BMPR1B: variants seen among roughly 807,000 people sequenced by gnomAD.
BMPR1B encodes the protein bone morphogenetic protein receptor type 1B.
Under a neutral mutation model 59.1 loss-of-function variants are expected in BMPR1B, and 12 were observed. The observed-to-expected ratio is 0.20, with a 90% confidence interval of 0.13 to 0.33. The LOEUF (loss-of-function observed/expected upper bound fraction) is 0.33, where lower values mean the gene tolerates loss of function less well. Among genes scored for constraint, BMPR1B ranks in the 10% least tolerant of loss-of-function variants. The pLI, the probability that BMPR1B is intolerant of heterozygous loss-of-function variation, is 1.00. For missense variants in BMPR1B, 550 were observed against 610.9 expected (o/e 0.90, Z 1.05); for synonymous variants, 237 against 207.3 (o/e 1.14, Z -1.23).
At chr4:95,123,736 T>C (rs1019287391) in intron 6 of BMPR1B, 74 bp from the exon 7 acceptor site, 20 of 1,183,572 alleles carry the variant, frequency 1.7e-5, no homozygotes, top group Non-Finnish European at 2.4e-5. Flanking sequence ...CAAGTACCTT[T>C]AGGAAAGAGT....
chr4:95,139,917 C>A (rs2149314642), intron 10 of BMPR1B, among the ~76,000 whole-genome samples: 1 of 152,312 alleles, frequency 6.6e-6, no homozygotes, highest in South Asian at 2.1e-4. Flanking sequence ...TGCTTCGGCT[C>A]ACACTGTGTG....
intron 2 of BMPR1B, among the ~76,000 whole-genome samples, chr4:94,890,118 A>T (rs1478729797): frequency 6.6e-6 from 1 of 152,086 alleles, no homozygotes; most frequent in Non-Finnish European, 1.5e-5. Flanking sequence ...GCCTACAGTT[A>T]ATGTGGTCAA....
intron 3 of BMPR1B, among the ~76,000 whole-genome samples, chr4:95,060,068 G>C (rs1037715952): frequency 1.3e-5 from 2 of 152,110 alleles, no homozygotes; most frequent in African/African-American, 4.8e-5. Context: ...TCAGAAACAC[G>C]GAGTCTGCAG....
At chr4:95,137,942 T>G (rs904115152) in intron 10 of BMPR1B, among the ~76,000 whole-genome samples, 3 of 152,196 alleles carry the variant, frequency 2.0e-5, no homozygotes, top group African/African-American at 4.8e-5. Context: ...AGTTTGATCC[T>G]GTCATTATGA....
chr4:95,011,469 G>A (rs1224406358), intron 3 of BMPR1B, among the ~76,000 whole-genome samples: 1 of 151,996 alleles, frequency 6.6e-6, no homozygotes, highest in Admixed American at 6.6e-5. Context: ...TTCCATCTTC[G>A]GTGACACATA....
At chr4:94,894,082 C>G (rs1281979721) in intron 2 of BMPR1B, among the ~76,000 whole-genome samples, 1 of 152,148 alleles carries the variant, frequency 6.6e-6, no homozygotes, top group African/African-American at 2.4e-5. Flanking sequence ...AAGCAGGGCA[C>G]TGCTAATATT....
At chr4:94,761,419 G>GTGTC (rs1553992282) in intron 1 of BMPR1B, among the ~76,000 whole-genome samples, 1 of 28,392 alleles carries the variant, frequency 3.5e-5, no homozygotes, top group African/African-American at 2.4e-4. Flanking sequence ...ATAATTCTGT[G>GTGTC]TGTGTGTGTG....
chr4:94,943,919 G>T (rs1420193416), intron 2 of BMPR1B, among the ~76,000 whole-genome samples: 2 of 152,026 alleles, frequency 1.3e-5, no homozygotes, highest in Non-Finnish European at 2.9e-5. Flanking sequence ...GTATATATAG[G>T]TTGTGAATCT....
At chr4:95,068,582 C>T (rs981636755) in intron 3 of BMPR1B, among the ~76,000 whole-genome samples, 4 of 152,136 alleles carry the variant, frequency 2.6e-5, no homozygotes, top group Admixed American at 6.5e-5. Context: ...GCAATGAGGG[C>T]TGGTTAATGG....
intron 2 of BMPR1B, among the ~76,000 whole-genome samples, chr4:94,910,044 C>T (rs1271842039): frequency 6.6e-6 from 1 of 150,680 alleles, no homozygotes; most frequent in African/African-American, 2.5e-5. Flanking sequence ...GACTCCGTCT[C>T]CAAAAAAAAC....
intron 1 of BMPR1B, among the ~76,000 whole-genome samples, chr4:94,825,777 A>G (rs1000328011): frequency 1.1e-4 from 17 of 152,200 alleles, no homozygotes; most frequent in Admixed American, 1.3e-4. Flanking sequence ...TGGAAAGAAA[A>G]TGGATTGCAT....
At chr4:94,977,117 A>G (rs961566125) in intron 2 of BMPR1B, among the ~76,000 whole-genome samples, 1 of 152,146 alleles carries the variant, frequency 6.6e-6, no homozygotes, top group African/African-American at 2.4e-5. Context: ...CCCATTAGCA[A>G]AAGCCATGCC....
At chr4:94,988,671 A>G (rs2149095505) in intron 2 of BMPR1B, among the ~76,000 whole-genome samples, 2 of 152,300 alleles carry the variant, frequency 1.3e-5, no homozygotes, top group Middle Eastern at 3.4e-3. Context: ...TTCTCATACT[A>G]ATAATGGGTA....
intron 3 of BMPR1B, among the ~76,000 whole-genome samples, chr4:95,013,368 A>G (rs986716825): frequency 1.3e-5 from 2 of 152,146 alleles, no homozygotes; most frequent in Admixed American, 1.3e-4. Flanking sequence ...AATCATGGAC[A>G]TTTGCTTCCT....
At chr4:95,080,243 T>C (rs1432317942) in intron 3 of BMPR1B, among the ~76,000 whole-genome samples, 2 of 152,236 alleles carry the variant, frequency 1.3e-5, no homozygotes, top group East Asian at 3.8e-4. Flanking sequence ...TGTACATATG[T>C]ACGTATGTAT....
At chr4:95,124,158 T>A (rs952951324) in intron 7 of BMPR1B, among the ~76,000 whole-genome samples, 2 of 151,982 alleles carry the variant, frequency 1.3e-5, no homozygotes, top group African/African-American at 4.8e-5. Flanking sequence ...GAAACTAGGG[T>A]AGTTAGAGAC....
At chr4:94,990,626 C>G (rs931079612) in intron 2 of BMPR1B, among the ~76,000 whole-genome samples, 1 of 152,112 alleles carries the variant, frequency 6.6e-6, no homozygotes, top group African/African-American at 2.4e-5. Flanking sequence ...AAGAAGAAAA[C>G]ACAGGGCTGC....
chr4:94,783,146 G>A (rs1335986747), intron 1 of BMPR1B, among the ~76,000 whole-genome samples: 1 of 152,072 alleles, frequency 6.6e-6, no homozygotes, highest in Non-Finnish European at 1.5e-5. Flanking sequence ...TTGTTATCAC[G>A]CCAGCTATTA....
intron 3 of BMPR1B, among the ~76,000 whole-genome samples, chr4:95,049,359 C>G (rs1199164987): frequency 2.0e-5 from 3 of 147,144 alleles, no homozygotes; most frequent in Admixed American, 6.8e-5. Context: ...GGTGATCCTC[C>G]TGCCTCAGCC....
Sources: allele counts gnomAD v4.1 joint callset (sites outside exome capture counted in the v4.1 genomes callset), GRCh38; gene constraint gnomAD v4.1.1; transcripts MANE v1.5; gene names NCBI Gene and HGNC (gene_info 2026-07-23, HGNC 2026-07-21).